STAT4: variants seen among roughly 807,000 people sequenced by gnomAD.
STAT4 encodes the protein signal transducer and activator of transcription 4.
STAT4 carries 42 observed loss-of-function variants against 110.5 expected under a neutral mutation model. The observed-to-expected ratio is 0.38, with a 90% confidence interval of 0.30 to 0.49. STAT4 has a LOEUF of 0.49. STAT4 is among the 20% of genes least tolerant of loss of function. STAT4 has a pLI of 0.95. For missense variants in STAT4, 632 were observed against 887.9 expected, an observed-to-expected ratio of 0.71 and a Z score of 3.66; for synonymous variants, 284 against 302.2, an observed-to-expected ratio of 0.94 and a Z score of 0.63.
In STAT4 at chr2:191,123,977, C is replaced by A. The variant is rs201302493; in HGVS notation, c.273+22636G>T. The stretch of plus-strand genomic sequence containing the variant: ...ACCATCTGTACACTTCTTTGCAAAA[C>A]CAATTCCTTCCATCCTTAGAAACTG... On this transcript the variant is annotated intron_variant, in intron 3 of 23. Transcript: ENST00000392320. Among the ~76,000 whole-genome samples, 6 of 152,244 alleles carry A rather than the reference C, an allele frequency of 3.9e-5. No homozygotes were observed. The East Asian group carries it at 1.2e-3, about 29-fold the overall frequency.
At chr2:191,097,914 G>GA (rs71030323) in intron 3 of STAT4, among the ~76,000 whole-genome samples, 112,303 of 150,582 alleles carry the variant, frequency 0.75, 42,072 homozygotes, top group Non-Finnish European at 0.77. Context: ...AAATTTACAA[G>GA]AAAAAAAAAC....
chr2:191,098,884 T>C (rs1383464811), intron 3 of STAT4, among the ~76,000 whole-genome samples: 1 of 152,126 alleles, frequency 6.6e-6, no homozygotes, highest in Admixed American at 6.5e-5. Context: ...CATTTAAATA[T>C]TTTTGTGTGG....
At position 191,146,883 on chromosome 2, in the gene STAT4, T is replaced by A; in HGVS notation, c.129-126A>T. ...TAAGCATTTAAAAGTTTTAAAAAATTAAATTGTTAACATGAAGAGATGCTC... is the reference window on the plus strand; with the variant it reads ...TAAGCATTTAAAAGTTTTAAAAAATAAAATTGTTAACATGAAGAGATGCTC... On this transcript the variant is annotated intron_variant, in intron 2 of 23. Transcript: ENST00000392320. The surrounding 1 kb of genome is among the most constrained non-coding windows in gnomAD (Gnocchi z 4.5). 1.1e-6 allele frequency: 1 copy of A among 911,742 alleles called. No homozygotes were observed. The highest frequency in any genetic ancestry group is 1.5e-6 in the Non-Finnish European group (1 of 675,054). 56.5% of individuals were successfully genotyped at this position (911,742 alleles called of 1,614,324 possible).
chr2:191,033,295 G>A lies in STAT4; in HGVS notation c.1853-146C>T. 8.8e-7 allele frequency: 1 copy of A among 1,129,944 alleles called. No individual in the cohort carries two copies. The highest frequency in any genetic ancestry group is 1.2e-6 in the Non-Finnish European group (1 of 805,382). 70.0% of individuals were successfully genotyped at this position (1,129,944 alleles called of 1,614,324 possible). ...TGTCAGACCTTCTGCTGTCTGGACAGTATAGATTGTGCATACGATAGACTT... is the reference window on the plus strand; with the variant it reads ...TGTCAGACCTTCTGCTGTCTGGACAATATAGATTGTGCATACGATAGACTT... On this transcript the variant is annotated intron_variant, in intron 20 of 23. Transcript: ENST00000392320. The surrounding 1 kb of genome is among the most constrained non-coding windows in gnomAD (Gnocchi z 6.9).
chr2:191,064,195 T>C (rs1269646785), intron 8 of STAT4, among the ~76,000 whole-genome samples: 1 of 152,246 alleles, frequency 6.6e-6, no homozygotes, highest in African/African-American at 2.4e-5. Context: ...CATGATGTTT[T>C]GATGTATGTA....
chr2:191,033,016 A>G lies in STAT4; in HGVS notation c.1986T>C (p.Tyr662=). ...NIPENPLKYL[Y]PDIPKDKAFG... The stretch of plus-strand genomic sequence containing the variant: ...AGGCTTTGTCTTTGGGAATGTCAGG[A>G]TATAGGTACTTCAGAGGGTTTTCAG... The change falls in exon 21 of 24, where the codon TAT becomes TAC. Residue 662 remains tyrosine (Y), a synonymous_variant. Coordinates refer to ENST00000392320, the MANE Select transcript of STAT4 (RefSeq NM_003151.4). This position sits in a 1 kb window ranked among gnomAD's most constrained non-coding sequence, Gnocchi z 6.9. The G allele has an allele frequency of 6.2e-7, 1 of 1,614,212 alleles. No homozygotes were observed. Among genetic ancestry groups the G allele is most frequent in the Non-Finnish European group, 8.5e-7 (1 of 1,180,020 alleles).
upstream of STAT4, chr2:191,151,541 G>A (rs750900735): frequency 6.1e-6 from 6 of 985,582 alleles, no homozygotes; most frequent in Non-Finnish European, 7.2e-6. The surrounding 1 kb of genome is among the most constrained non-coding windows in gnomAD (Gnocchi z 4.7). Context: ...TAGGCCACCA[G>A]TGCTTGCCCT....
chr2:191,109,403 T>C (rs943698625), intron 3 of STAT4, among the ~76,000 whole-genome samples: 2 of 152,104 alleles, frequency 1.3e-5, no homozygotes, highest in African/African-American at 4.8e-5. Context: ...ACTCAGCAAA[T>C]ATCTACTGAA....
chr2:191,069,185 T>C (rs1024064807), intron 6 of STAT4, among the ~76,000 whole-genome samples: 7 of 152,092 alleles, frequency 4.6e-5, no homozygotes, highest in African/African-American at 7.2e-5. Context: ...AGTATTTATC[T>C]GTAGATAGTG....
chr2:191,058,803 T>A lies in STAT4; in HGVS notation c.1035-34A>T. 7.3e-7 allele frequency: 1 copy of A among 1,362,260 alleles called. No individual in the cohort carries two copies. Among genetic ancestry groups the A allele is most frequent in the Non-Finnish European group, 1.0e-6 (1 of 976,622 alleles). The allele number at this position is 1,362,260 out of a possible 1,614,324, so 84.4% of individuals were successfully genotyped here. A position where few individuals can be genotyped will look rare whatever the true frequency, so the allele number is the denominator to read the frequency against. Reference sequence around the variant, plus strand: ...AGATATCAATAAAAAAAATCAAAGATAAAAATTAAAAGTGTTTAAAAACCC... The same window carrying A: ...AGATATCAATAAAAAAAATCAAAGAAAAAAATTAAAAGTGTTTAAAAACCC... On this transcript the variant is annotated intron_variant, in intron 10 of 23. Coordinates refer to ENST00000392320, the MANE Select transcript of STAT4 (RefSeq NM_003151.4). The surrounding 1 kb of genome is among the most constrained non-coding windows in gnomAD (Gnocchi z 4.3).
chr2:191,034,581 A>C lies in STAT4; in HGVS notation c.1587T>G (p.Ser529Arg), dbSNP rs1365762129. The change falls in exon 18 of 24, where the codon AGT (serine) becomes AGG (arginine). Residue 529 changes from serine to arginine, a missense_variant. Physicochemically the swap from Ser to Arg is moderately radical, Grantham distance 110. Around this residue, in one of 4 missense-constraint regions of STAT4, gnomAD observed 488 missense variants for 632.8 expected, o/e 0.77. Coordinates refer to ENST00000392320, the MANE Select transcript of STAT4 (RefSeq NM_003151.4). ...ACTTGGCCCAGGTGAGGTGACCATC[A>C]CTGTAGCTAGATTGGACTGAAATGA... is the stretch of plus-strand genomic sequence containing the variant. ...AEKLTVQSSY[S>R]DGHLTWAKFC... The C allele has an allele frequency of 6.2e-7, 1 of 1,613,452 alleles. No individual in the cohort carries two copies. The highest frequency in any genetic ancestry group is 1.3e-5 in the African/African-American group (1 of 74,908).
In STAT4 at chr2:191,146,733, G is replaced by A. The variant is rs1699471052; in HGVS notation, c.153C>T (p.Thr51=). ...AGTTTTGAAGAAGAATCGTTGCCATGGTTTCATTGTTAGAAGCTGCCTCCC... is the reference window on the plus strand; with the variant it reads ...AGTTTTGAAGAAGAATCGTTGCCATAGTTTCATTGTTAGAAGCTGCCTCCC... ...QDWEAASNNE[T]MATILLQNLL... is the part of the protein sequence containing the mutation. Residue 51 remains threonine, a synonymous_variant, in exon 3 of 24, where the codon ACC becomes ACT. Coordinates refer to ENST00000392320, the MANE Select transcript of STAT4 (RefSeq NM_003151.4). This position sits in a 1 kb window ranked among gnomAD's most constrained non-coding sequence, Gnocchi z 4.5. The A allele has an allele frequency of 6.4e-7, 1 of 1,563,666 alleles. No homozygotes were observed.
At chr2:191,056,694 A>G (rs1454520810) in intron 13 of STAT4, among the ~76,000 whole-genome samples, 2 of 151,764 alleles carry the variant, frequency 1.3e-5, no homozygotes, top group Non-Finnish European at 2.9e-5. Flanking sequence ...TCTGTAACCT[A>G]TCTTTTCTTT....
At chr2:191,136,998 G>C (rs551238003) in intron 3 of STAT4, among the ~76,000 whole-genome samples, 1 of 149,458 alleles carries the variant, frequency 6.7e-6, no homozygotes, top group Non-Finnish European at 1.5e-5. Context: ...TAAATTTAAC[G>C]AAGAAAGTGA....
At position 191,058,740 on chromosome 2, in the gene STAT4, T is replaced by C; in HGVS notation, c.1064A>G (p.Tyr355Cys). The C allele has an allele frequency of 1.9e-6, 3 of 1,594,108 alleles. No individual in the cohort carries two copies. The highest frequency in any genetic ancestry group is 2.6e-6 in the Non-Finnish European group (3 of 1,169,834). ...RLLIKLPELN[Y>C]QVKVKASIDK... is the part of the protein sequence containing the mutation. ...AATTGATGCCTTAACCTTTACCTGA[T>C]AGTTTAGTTCTGGCAATTTTATTAG... The change falls in exon 11 of 24, where the codon TAT (tyrosine) becomes TGT (cysteine). Residue 355 changes from tyrosine to cysteine, a missense_variant. Around this residue, in one of 4 missense-constraint regions of STAT4, gnomAD observed 488 missense variants for 632.8 expected, o/e 0.77. Coordinates refer to ENST00000392320, the MANE Select transcript of STAT4 (RefSeq NM_003151.4). This position sits in a 1 kb window ranked among gnomAD's most constrained non-coding sequence, Gnocchi z 4.3.
At chr2:191,044,144 G>A (rs1399165422) in intron 14 of STAT4, among the ~76,000 whole-genome samples, 1 of 151,998 alleles carries the variant, frequency 6.6e-6, no homozygotes, top group African/African-American at 2.4e-5. Context: ...GTTTTCAATA[G>A]TCTATAAAAA....
At chr2:191,055,566 G>T (rs1696666073) in intron 13 of STAT4, among the ~76,000 whole-genome samples, 1 of 151,494 alleles carries the variant, frequency 6.6e-6, no homozygotes, top group Non-Finnish European at 1.5e-5. Context: ...TGTTAGCCAG[G>T]ATGCTCTTGA....
At chr2:191,132,276 C>T (rs1242944244) in intron 3 of STAT4, among the ~76,000 whole-genome samples, 1 of 151,710 alleles carries the variant, frequency 6.6e-6, no homozygotes. Flanking sequence ...TAATACTTCT[C>T]CCGTATTGAT....
Position 191,039,830 on chromosome 2 carries a change from A to T in STAT4, c.1336-533T>A, listed in dbSNP as rs3024879. Among the ~76,000 whole-genome samples the T allele has an allele frequency of 1.3e-5, 2 of 152,096 alleles. No individual in the cohort carries two copies. The highest frequency in any genetic ancestry group is 1.3e-4 in the Admixed American group (2 of 15,278). On this transcript the variant is annotated intron_variant, in intron 15 of 23. Transcript: ENST00000392320. This position sits in a 1 kb window ranked among gnomAD's most constrained non-coding sequence, Gnocchi z 4.7. ...ATTGTTACAGAACTAACTCAATTTA[A>T]TACTCTTGGTTCTGTGGTTTTCTAC...
Sources: gnomAD v4.1 joint callset for allele counts (sites outside exome capture counted in the v4.1 genomes callset) on GRCh38, gnomAD v4.1.1 for gene constraint, gnomAD v4.1.1 regional missense constraint, Gnocchi (gnomAD v3.1) non-coding constraint, MANE v1.5 for transcripts, NCBI Gene and HGNC (gene_info 2026-07-23, HGNC 2026-07-21) for gene names.